Variants in SCAPER observed in about 807,000 individuals in gnomAD.
SCAPER encodes the protein S phase cyclin A-associated protein in the endoplasmic reticulum.
A neutral mutation model predicts 182.2 loss-of-function variants in SCAPER; 98 were observed. The ratio of observed to expected loss-of-function variants is 0.54; its 90% confidence interval spans 0.46 to 0.64. The LOEUF is 0.64. Among genes scored for constraint, SCAPER ranks in the 30% least tolerant of loss-of-function variants. The pLI, the probability that SCAPER is intolerant of heterozygous loss-of-function variation, is 0.00. For missense variants in SCAPER, 1,432 were observed against 1,690.0 expected (o/e 0.85, Z 2.68); for synonymous variants, 605 against 564.6 (o/e 1.07, Z -1.01).
intron 27 of SCAPER, among the ~76,000 whole-genome samples, chr15:76,397,782 A>G (rs928743096): frequency 1.3e-5 from 2 of 151,982 alleles, no homozygotes; most frequent in Admixed American, 6.6e-5. Context: ...CGGTCAGGAG[A>G]CTTTTATTAT....
intron 26 of SCAPER, among the ~76,000 whole-genome samples, chr15:76,410,533 G>C (rs2142209351): frequency 6.6e-6 from 1 of 152,296 alleles, no homozygotes; most frequent in Middle Eastern, 3.4e-3. Context: ...AGGTAGACAA[G>C]GCCCAAGGCT....
Position 76,478,247 on chromosome 15 carries a change from G to C in SCAPER, c.2955-6912C>G, listed in dbSNP as rs952026938. Among the ~76,000 whole-genome samples, 15 of 151,784 alleles carry C rather than the reference G, an allele frequency of 9.9e-5. 1 individual carries two copies. The East Asian group carries it at 2.9e-3, about 29-fold the overall frequency. On this transcript the variant is annotated intron_variant, in intron 24 of 31. Coordinates refer to ENST00000563290, the MANE Select transcript of SCAPER (RefSeq NM_020843.4). ...TTCTAGTTTGCTATTTTAAAATTTGGGGAGGAGGTTTTCATCTTTTAAAAA... is the reference window on the plus strand; with the variant it reads ...TTCTAGTTTGCTATTTTAAAATTTGCGGAGGAGGTTTTCATCTTTTAAAAA...
chr15:76,388,604 G>A (rs2043442963), intron 27 of SCAPER, among the ~76,000 whole-genome samples: 1 of 152,196 alleles, frequency 6.6e-6, no homozygotes, highest in Admixed American at 6.5e-5. Context: ...CATGAGCCTG[G>A]ATGATGTCTA....
chr15:76,489,965 T>C (rs1246673144), intron 24 of SCAPER, among the ~76,000 whole-genome samples: 2 of 152,196 alleles, frequency 1.3e-5, no homozygotes, highest in Non-Finnish European at 2.9e-5. Flanking sequence ...ATGTCACATA[T>C]TGCAGGATTT....
chr15:76,679,183 A>G (rs895361876), intron 20 of SCAPER, among the ~76,000 whole-genome samples: 2 of 152,178 alleles, frequency 1.3e-5, no homozygotes, highest in Non-Finnish European at 2.9e-5. Flanking sequence ...TCATATAAAA[A>G]TGAGTGTGTT....
At chr15:76,706,876 C>CACA (rs1469051431) in intron 17 of SCAPER, among the ~76,000 whole-genome samples, 1 of 151,950 alleles carries the variant, frequency 6.6e-6, no homozygotes, top group Non-Finnish European at 1.5e-5. Flanking sequence ...CATACACACA[C>CACA]ACACAAAGAA....
At chr15:76,756,243 CA>C (rs34158299) in intron 14 of SCAPER, among the ~76,000 whole-genome samples, 24 of 66,012 alleles carry the variant, frequency 3.6e-4, no homozygotes, top group African/African-American at 1.5e-3. Flanking sequence ...GACTCCGTCT[CA>C]AAAAAAAAAA....
At chr15:76,823,749 C>T (rs1376710487) in intron 5 of SCAPER, among the ~76,000 whole-genome samples, 1 of 151,966 alleles carries the variant, frequency 6.6e-6, no homozygotes, top group African/African-American at 2.4e-5. Flanking sequence ...AAGAAAAGGA[C>T]AAATGTAAAA....
chr15:76,572,514 G>A (rs929264634), intron 23 of SCAPER, among the ~76,000 whole-genome samples: 5 of 152,152 alleles, frequency 3.3e-5, no homozygotes, highest in Admixed American at 6.6e-5. Context: ...TCCTCCAGAC[G>A]ACTGTACTGT....
At chr15:76,589,273 A>T (rs548692172) in intron 22 of SCAPER, among the ~76,000 whole-genome samples, 1 of 152,202 alleles carries the variant, frequency 6.6e-6, no homozygotes, top group South Asian at 2.1e-4. Context: ...GTGGGGCCCA[A>T]GAACAGCTAA....
chr15:76,678,786 T>TATATAGCATCCCCATAG (rs2057517566), intron 20 of SCAPER, among the ~76,000 whole-genome samples: 1 of 152,124 alleles, frequency 6.6e-6, no homozygotes, highest in Non-Finnish European at 1.5e-5. Context: ...TCACATATTT[T>TATATAGCATCCCCATAG]ATATAGCATC....
At chr15:76,460,317 T>C (rs2049067968) in intron 25 of SCAPER, among the ~76,000 whole-genome samples, 1 of 152,204 alleles carries the variant, frequency 6.6e-6, no homozygotes, top group Non-Finnish European at 1.5e-5. Context: ...TTTATTTTTA[T>C]AGCTATTATA....
Position 76,404,624 on chromosome 15 carries a change from G to C in SCAPER, c.3367C>G (p.Gln1123Glu). 6.2e-7 allele frequency: 1 copy of C among 1,613,338 alleles called. No individual in the cohort carries two copies. Among genetic ancestry groups the C allele is most frequent in the South Asian group, 1.1e-5 (1 of 91,028 alleles). ...TTGGGATTCTCATCCACTGGGCCTTGCACCGAGAGGAAGCAGGCACACAGT... is the reference window on the plus strand; with the variant it reads ...TTGGGATTCTCATCCACTGGGCCTTCCACCGAGAGGAAGCAGGCACACAGT... The part of the protein sequence containing the change: ...DKLCACFLSV[Q>E]GPVDENPKMA... Residue 1123 changes from glutamine to glutamate, a missense_variant, in exon 27 of 32, where the codon CAA becomes GAA. Gln to Glu is a conservative substitution (Grantham distance 29). Transcript: ENST00000563290.
intron 14 of SCAPER, among the ~76,000 whole-genome samples, chr15:76,759,778 G>C (rs988983417): frequency 6.6e-6 from 1 of 152,034 alleles, no homozygotes; most frequent in Non-Finnish European, 1.5e-5. Context: ...ATAGATTTTA[G>C]TATATTTCAC....
Position 76,348,040 on chromosome 15 carries a change from CAA to C in SCAPER, c.*591_*592del, listed in dbSNP as rs2040297128. 1.3e-5 allele frequency: 2 copies of C among 152,238 alleles called. No homozygotes were observed. Among genetic ancestry groups the C allele is most frequent in the Admixed American group, 6.5e-5 (1 of 15,302 alleles). 9.4% of individuals were successfully genotyped at this position (152,238 alleles called of 1,614,324 possible). On this transcript the variant is annotated 3_prime_UTR_variant, in exon 32 of 32. Coordinates refer to ENST00000563290, the MANE Select transcript of SCAPER (RefSeq NM_020843.4). ...GAGAGTAATTTCAGCTCGGCAATGC[CAA>C]GAGAGGATTATCTGCTAGGAGAGTT...
intron 25 of SCAPER, 100 bp from the exon 26 acceptor site, chr15:76,434,410 A>G (rs2047061577): frequency 8.0e-6 from 7 of 870,354 alleles, no homozygotes; most frequent in Middle Eastern, 3.5e-4. Context: ...AATTTTGACA[A>G]TCTAAAATGT....
intron 3 of SCAPER, among the ~76,000 whole-genome samples, chr15:76,859,084 T>C (rs555635883): frequency 1.3e-5 from 2 of 152,324 alleles, no homozygotes; most frequent in East Asian, 3.9e-4. Flanking sequence ...ATTTACATTC[T>C]CACCAGCAGT....
intron 24 of SCAPER, chr15:76,471,979 A>C (rs894664539): frequency 5.2e-6 from 1 of 191,392 alleles, no homozygotes; most frequent in Non-Finnish European, 1.1e-5. Flanking sequence ...ATGCTGAAAA[A>C]ACTATAAAGC....
chr15:76,795,704 G>A (rs2065275492), intron 7 of SCAPER, among the ~76,000 whole-genome samples: 1 of 152,040 alleles, frequency 6.6e-6, no homozygotes, highest in African/African-American at 2.4e-5. Flanking sequence ...ACTTAAATGA[G>A]GAAGCTTTTA....
Sources: allele counts gnomAD v4.1 joint callset (sites outside exome capture counted in the v4.1 genomes callset), GRCh38; gene constraint gnomAD v4.1.1; transcripts MANE v1.5; gene names NCBI Gene and HGNC (gene_info 2026-07-23, HGNC 2026-07-21).